The following ZNF83 variants were observed in gnomAD, a reference collection of about 807,000 sequenced individuals.
The protein encoded by ZNF83 is zinc finger protein 816B.
For synonymous variants in ZNF83, 209 were observed against 213.0 expected, an observed-to-expected ratio of 0.98 and a Z score of 0.17; for missense variants, 552 against 629.9, an observed-to-expected ratio of 0.88 and a Z score of 1.32.
chr19:52,636,122 C>A (rs1187093474), intron 1 of ZNF83: 2 of 150,320 alleles, frequency 1.3e-5, no homozygotes, highest in Non-Finnish European at 3.0e-5. Flanking sequence ...CACAGTGAAA[C>A]CTCGTTTCTA....
intron 3 of ZNF83, among the ~76,000 whole-genome samples, chr19:52,648,906 C>A (rs1262830827): frequency 6.6e-6 from 1 of 152,190 alleles, no homozygotes; most frequent in Non-Finnish European, 1.5e-5. Flanking sequence ...CTATGCATGG[C>A]TGAAGCTTGA....
At chr19:52,682,241 G>T (rs1266733032) in intron 1 of ZNF83, among the ~76,000 whole-genome samples, 1 of 152,078 alleles carries the variant, frequency 6.6e-6, no homozygotes, top group African/African-American at 2.4e-5. Context: ...TGCAAATGAT[G>T]TGTTTTCTAC....
chr19:52,689,624 CT>C (rs1241511600), intron 1 of ZNF83, among the ~76,000 whole-genome samples: 3 of 152,132 alleles, frequency 2.0e-5, no homozygotes, highest in Non-Finnish European at 4.4e-5. Context: ...TTTTCTCCTC[CT>C]GCTTTCTTAT....
In ZNF83 at chr19:52,673,073, T is replaced by C. The variant is rs528334686; in HGVS notation, c.-282-12230A>G. Among the ~76,000 whole-genome samples the C allele has an allele frequency of 5.9e-5, 9 of 152,026 alleles. No individual in the cohort carries two copies. In the South Asian group the frequency reaches 1.9e-3, roughly 32 times the overall value. On this transcript the variant is annotated intron_variant, in intron 1 of 5. Transcript: ENST00000594682. The stretch of plus-strand genomic sequence containing the variant: ...TCTCTACCAAAAATACAAAAAAAAC[T>C]GGATGTGAGCCTGTAATCCCAGCTA...
intron 3 of ZNF83, chr19:52,655,516 T>C (rs2061493507): frequency 4.2e-6 from 6 of 1,429,768 alleles, no homozygotes; most frequent in East Asian, 2.3e-5. Context: ...AGAGCCAAGA[T>C]AGACAAGGGC....
intron 2 of ZNF83, among the ~76,000 whole-genome samples, chr19:52,624,773 T>C (rs2060675366): frequency 6.6e-6 from 1 of 152,202 alleles, no homozygotes; most frequent in African/African-American, 2.4e-5. Flanking sequence ...ACCACCCTAA[T>C]ACTTTTAGAG....
chr19:52,688,729 G>A (rs1168651549), intron 1 of ZNF83, among the ~76,000 whole-genome samples: 1 of 151,878 alleles, frequency 6.6e-6, no homozygotes, highest in Non-Finnish European at 1.5e-5. Flanking sequence ...TATATGGACA[G>A]AAATTTAAAA....
intron 3 of ZNF83, chr19:52,652,688 T>C: frequency 1.6e-6 from 1 of 608,388 alleles, no homozygotes; most frequent in South Asian, 1.5e-5. Flanking sequence ...GCAATGCTTG[T>C]AGCATTACTG....
chr19:52,676,154 TA>T (rs1181901544), intron 1 of ZNF83, among the ~76,000 whole-genome samples: 1 of 152,304 alleles, frequency 6.6e-6, no homozygotes, highest in East Asian at 1.9e-4. Context: ...CTGGTTTTCG[TA>T]TTTTTTTGGT....
intron 3 of ZNF83, among the ~76,000 whole-genome samples, chr19:52,648,915 G>C (rs972841780): frequency 1.3e-5 from 2 of 152,126 alleles, no homozygotes; most frequent in Non-Finnish European, 2.9e-5. Flanking sequence ...GCTGAAGCTT[G>C]AAACTCCAGG....
intron 2 of ZNF83, among the ~76,000 whole-genome samples, chr19:52,627,359 T>TAA (rs35408180): frequency 5.4e-4 from 80 of 149,248 alleles, no homozygotes; most frequent in African/African-American, 1.0e-3. Flanking sequence ...AGGAGAGGCA[T>TAA]AAAAAAGAAA....
rs1031193674 is a variant in ZNF83 at position 52,634,128 on chromosome 19, C to T, written c.-234+938G>A. Among the ~76,000 whole-genome samples the T allele has an allele frequency of 1.3e-5, 2 of 151,708 alleles. 1 individual carries two copies. Among genetic ancestry groups the T allele is most frequent in the East Asian group, 3.9e-4 (2 of 5,154 alleles). On this transcript the variant is annotated intron_variant, in intron 2 of 2. Transcript: ENST00000301096. ...CTACTAAAAATACAAAAAGATTAGCCGGGTGTGGTGGCATGTACCTGTAAT... is the reference window on the plus strand; with the variant it reads ...CTACTAAAAATACAAAAAGATTAGCTGGGTGTGGTGGCATGTACCTGTAAT...
chr19:52,674,181 C>A (rs1458769247), intron 1 of ZNF83: 1 of 152,154 alleles, frequency 6.6e-6, no homozygotes, highest in Non-Finnish European at 1.5e-5. Context: ...CAAAAGATCA[C>A]CTGTTTCCTG....
chr19:52,642,653 T>G (rs2061323553), upstream of ZNF83, among the ~76,000 whole-genome samples: 1 of 152,210 alleles, frequency 6.6e-6, no homozygotes, highest in Admixed American at 6.5e-5. Flanking sequence ...CACCAGCTTG[T>G]GACAGACATA....
chr19:52,689,602 T>G (rs2062110272), intron 1 of ZNF83, among the ~76,000 whole-genome samples: 2 of 152,316 alleles, frequency 1.3e-5, no homozygotes, highest in East Asian at 1.9e-4. Flanking sequence ...TTCTCTACAT[T>G]TCTGCACTTG....
intron 2 of ZNF83, among the ~76,000 whole-genome samples, chr19:52,615,651 C>T (rs1030906457): frequency 6.6e-5 from 10 of 152,058 alleles, no homozygotes; most frequent in African/African-American, 2.2e-4. Flanking sequence ...AGGCACCACC[C>T]AGGAAGTGTT....
At chr19:52,684,549 A>G (rs1018196751) in intron 1 of ZNF83, among the ~76,000 whole-genome samples, 2 of 22,182 alleles carry the variant, frequency 9.0e-5, no homozygotes, top group Non-Finnish European at 8.9e-5. Flanking sequence ...GACTCTGTCT[A>G]AAAAAAGAAA....
intron 2 of ZNF83, among the ~76,000 whole-genome samples, chr19:52,615,984 G>A (rs762472614): frequency 3.5e-4 from 54 of 152,228 alleles, no homozygotes; most frequent in Admixed American, 2.5e-3. Flanking sequence ...GATTACAGGC[G>A]ACTGCCACCA....
chr19:52,642,171 C>T (rs1261261663), upstream of ZNF83, among the ~76,000 whole-genome samples: 2 of 149,814 alleles, frequency 1.3e-5, no homozygotes, highest in Admixed American at 1.3e-4. Context: ...TGCAGATAAG[C>T]TATCAGTTTA....
Sources: allele counts gnomAD v4.1 joint callset (sites outside exome capture counted in the v4.1 genomes callset), GRCh38; gene constraint gnomAD v4.1.1; transcripts MANE v1.5; gene names NCBI Gene and HGNC (gene_info 2026-07-23, HGNC 2026-07-21).